The following ADAP1 variants were observed in gnomAD, a reference collection of about 807,000 sequenced individuals.
ADAP1 encodes the protein ArfGAP with dual PH domains 1.
Under a neutral mutation model 54.9 loss-of-function variants are expected in ADAP1, and 31 were observed. The observed-to-expected ratio is 0.56, with a 90% CI of 0.42 to 0.76. ADAP1 has a LOEUF of 0.76. Among genes scored for constraint, ADAP1 ranks in the 30% least tolerant of loss-of-function variants. The pLI is 0.00. For missense variants in ADAP1, 535 were observed against 512.4 expected (o/e 1.04, Z -0.42); for synonymous variants, 313 against 202.6 (o/e 1.55, Z -4.63).
At chr7:909,558 C>G (rs557532696) in intron 4 of ADAP1, among the ~76,000 whole-genome samples, 1 of 152,362 alleles carries the variant, frequency 6.6e-6, no homozygotes, top group South Asian at 2.1e-4. Context: ...GGCTGAGCCT[C>G]TGCTCTCCCC....
intron 6 of ADAP1, chr7:901,192 G>A: frequency 2.8e-6 from 1 of 360,484 alleles, no homozygotes; most frequent in Non-Finnish European, 5.5e-6. Flanking sequence ...AGGGCCCATA[G>A]CCCAGGCCTG....
chr7:950,998 G>C (rs935525094), intron 1 of ADAP1, among the ~76,000 whole-genome samples: 2 of 152,080 alleles, frequency 1.3e-5, no homozygotes, highest in Non-Finnish European at 2.9e-5. Context: ...TGGAGATGAT[G>C]GTGGTGGCGG....
At chr7:915,824 G>A (rs1467981639) in intron 4 of ADAP1, among the ~76,000 whole-genome samples, 1 of 151,912 alleles carries the variant, frequency 6.6e-6, no homozygotes, top group East Asian at 1.9e-4. Context: ...CTGCCGACGA[G>A]ACGCTGTCTG....
At position 920,315 on chromosome 7, in the gene ADAP1, G is replaced by A. The variant is rs375390393; in HGVS notation, c.306-265C>T. 2.5e-4 allele frequency among the ~76,000 whole-genome samples: 38 copies of A among 152,212 alleles called. No individual in the cohort carries two copies. The South Asian group carries it at 3.7e-3, about 15-fold the overall frequency. On this transcript the variant is annotated intron_variant, in intron 3 of 10. Transcript: ENST00000265846. The surrounding 1 kb of genome is among the most constrained non-coding windows in gnomAD (Gnocchi z 4.5). Reference sequence around the variant, plus strand: ...CCTCACGTTCTGCACAAGCGTTCCCGGTGGACGGGCTGGTGCCTCCCCTCT... The same window carrying A: ...CCTCACGTTCTGCACAAGCGTTCCCAGTGGACGGGCTGGTGCCTCCCCTCT...
Position 900,626 on chromosome 7 carries a change from A to AAGGCGGGCAC in ADAP1, c.649-11_649-10insGTGCCCGCCT, listed in dbSNP as rs771192465. 105 of 1,597,332 alleles carry AAGGCGGGCAC rather than the reference A, an allele frequency of 6.6e-5. 1 individual carries two copies. Among genetic ancestry groups the AAGGCGGGCAC allele is most frequent in the African/African-American group, 2.5e-4 (18 of 72,118 alleles). Reference sequence around the variant, plus strand: ...ACCAGTCCACAATCTCCTAGGGGCAAAGGTGGGCACAGGCTTGGGCTGAGG... The same window carrying AAGGCGGGCAC: ...ACCAGTCCACAATCTCCTAGGGGCAAAGGCGGGCACAGGTGGGCACAGGCTTGGGCTGAGG... On this transcript the variant is annotated splice_polypyrimidine_tract_variant and intron_variant, in intron 6 of 10. Transcript: ENST00000265846.
intron 1 of ADAP1, among the ~76,000 whole-genome samples, chr7:953,919 C>A (rs1222332297): frequency 6.6e-6 from 1 of 152,168 alleles, no homozygotes; most frequent in Non-Finnish European, 1.5e-5. Context: ...GCCGCTCACA[C>A]CCAGGGACCC....
intron 4 of ADAP1, among the ~76,000 whole-genome samples, chr7:912,392 G>A (rs1284747873): frequency 6.6e-6 from 1 of 152,202 alleles, no homozygotes; most frequent in Non-Finnish European, 1.5e-5. Context: ...GGGCAGGCGG[G>A]GGGCAAGTCT....
intron 2 of ADAP1, among the ~76,000 whole-genome samples, chr7:931,008 A>G: frequency 7.1e-6 from 1 of 141,550 alleles, no homozygotes; most frequent in African/African-American, 2.5e-5. Context: ...AAAGGAAGGA[A>G]GGAAGGAGGG....
intron 4 of ADAP1, among the ~76,000 whole-genome samples, chr7:910,169 C>T (rs1191792295): frequency 3.3e-5 from 5 of 152,238 alleles, no homozygotes; most frequent in Non-Finnish European, 2.9e-5. Context: ...CAGGCCGTTT[C>T]TTCCACCACA....
intron 3 of ADAP1, chr7:921,013 C>T (rs1215142295): frequency 3.6e-5 from 25 of 692,222 alleles, no homozygotes; most frequent in Non-Finnish European, 5.3e-5. Flanking sequence ...GGGTCTCTGG[C>T]CCCTGGCCCC....
intron 6 of ADAP1, among the ~76,000 whole-genome samples, chr7:902,349 T>C (rs1420050042): frequency 6.8e-6 from 1 of 146,916 alleles, no homozygotes; most frequent in Non-Finnish European, 1.5e-5. Context: ...TCCCAGCTAC[T>C]CGGGAGGCTG....
intron 3 of ADAP1, among the ~76,000 whole-genome samples, chr7:921,337 T>C (rs563984829): frequency 6.6e-6 from 1 of 152,360 alleles, no homozygotes; most frequent in East Asian, 1.9e-4. Context: ...TTTCTTTCTT[T>C]TAGAGACAGG....
chr7:937,388 C>T (rs545602869), intron 1 of ADAP1, among the ~76,000 whole-genome samples: 13 of 28,082 alleles, frequency 4.6e-4, no homozygotes, highest in Admixed American at 1.2e-3. Flanking sequence ...TTGGGGGTCA[C>T]GCCCGACCTC....
rs969805409 is a variant in ADAP1 at position 926,782 on chromosome 7, C to T, written c.214-138G>A. 9 of 745,944 alleles carry T rather than the reference C, an allele frequency of 1.2e-5. No individual in the cohort carries two copies. Among genetic ancestry groups the T allele is most frequent in the East Asian group, 9.3e-5 (3 of 32,260 alleles). 46.2% of individuals were successfully genotyped at this position (745,944 alleles called of 1,614,324 possible). A position where few individuals can be genotyped will look rare whatever the true frequency, so the allele number is the denominator to read the frequency against. On this transcript the variant is annotated intron_variant, in intron 2 of 10. Coordinates refer to ENST00000265846, the MANE Select transcript of ADAP1 (RefSeq NM_006869.4). The surrounding 1 kb of genome is among the most constrained non-coding windows in gnomAD (Gnocchi z 4.6). ...GGCTCCACCAGCACCAGGACGGGAA[C>T]GCCACCTCCTCCTGCCCCAGGGACA...
At chr7:930,205 T>C (rs1016309766) in intron 2 of ADAP1, among the ~76,000 whole-genome samples, 3 of 149,590 alleles carry the variant, frequency 2.0e-5, no homozygotes, top group African/African-American at 7.4e-5. Flanking sequence ...ACTTTGACTA[T>C]GTCGAAGTAA....
chr7:918,523 C>CAGGGCAGCCTCTCTCTTACACA (rs1409172437), intron 4 of ADAP1, among the ~76,000 whole-genome samples: 1 of 152,200 alleles, frequency 6.6e-6, no homozygotes. Context: ...TCCGCCATTC[C>CAGGGCAGCCTCTCTCTTACACA]AGGGCAGCCT....
chr7:914,458 A>G (rs1319193065), intron 4 of ADAP1, among the ~76,000 whole-genome samples: 1 of 152,186 alleles, frequency 6.6e-6, no homozygotes, highest in Non-Finnish European at 1.5e-5. Flanking sequence ...GGAACTGCCA[A>G]CTGGCGCTGG....
At chr7:917,986 G>A (rs754988626) in intron 4 of ADAP1, among the ~76,000 whole-genome samples, 30 of 152,228 alleles carry the variant, frequency 2.0e-4, no homozygotes, top group Middle Eastern at 6.8e-3. Context: ...ATGGGGTTTC[G>A]CCACGTTGCT....
chr7:954,655 G>T lies in ADAP1; in HGVS notation c.-178C>A, dbSNP rs542726050. ...TCTGGGCTCCGCCGCCGCCGCTCGT[G>T]TCTCCGCCGCGGTCGCTGAGCGAGT... On this transcript the variant is annotated 5_prime_UTR_variant, in exon 1 of 11. Transcript: ENST00000265846. The T allele has an allele frequency of 1.1e-5, 11 of 982,572 alleles. No homozygotes were observed. The highest frequency in any genetic ancestry group is 6.3e-5 in the Admixed American group (1 of 15,882). The allele number at this position is 982,572 out of a possible 1,614,324, so 60.9% of individuals were successfully genotyped here.
Sources: gnomAD v4.1 joint callset for allele counts (sites outside exome capture counted in the v4.1 genomes callset) on GRCh38, gnomAD v4.1.1 for gene constraint, Gnocchi (gnomAD v3.1) non-coding constraint, MANE v1.5 for transcripts, NCBI Gene and HGNC (gene_info 2026-07-23, HGNC 2026-07-21) for gene names.